PARD3B: variants seen among roughly 807,000 people sequenced by gnomAD.
PARD3B encodes the protein par-3 family cell polarity regulator beta, also known as partitioning defective 3 homolog B.
PARD3B carries 103 observed loss-of-function variants against 130.2 expected under a neutral mutation model. That is an observed-to-expected ratio of 0.79 (90% CI 0.67 to 0.93). The LOEUF is 0.93. Ranked by LOEUF, PARD3B falls within the 40% of genes least tolerant of loss-of-function variation. PARD3B has a pLI of 0.00. For synonymous variants in PARD3B, 583 were observed against 553.2 expected (o/e 1.05, Z -0.76); for missense variants, 1,609 against 1,499.2 (o/e 1.07, Z -1.21).
chr2:205,177,127 G>A (rs1187294523), intron 13 of PARD3B, among the ~76,000 whole-genome samples: 1 of 152,008 alleles, frequency 6.6e-6, no homozygotes, highest in Non-Finnish European at 1.5e-5. Flanking sequence ...GCTGACTCCA[G>A]ATGTAAAAAA....
chr2:205,109,075 G>A (rs897616296), intron 5 of PARD3B, among the ~76,000 whole-genome samples: 1 of 151,810 alleles, frequency 6.6e-6, no homozygotes, highest in African/African-American at 2.4e-5. Flanking sequence ...ATTGGTCTTT[G>A]TTTTTTCCTT....
chr2:204,765,849 G>A (rs1251792479), intron 2 of PARD3B, among the ~76,000 whole-genome samples: 1 of 152,116 alleles, frequency 6.6e-6, no homozygotes, highest in Non-Finnish European at 1.5e-5. Flanking sequence ...GGTACTTGAT[G>A]TGCTAGAGTA....
chr2:205,317,408 T>G (rs1025324907), intron 18 of PARD3B, among the ~76,000 whole-genome samples: 1 of 152,164 alleles, frequency 6.6e-6, no homozygotes, highest in African/African-American at 2.4e-5. Flanking sequence ...TTTCACAAAG[T>G]GAAATGGCAC....
intron 1 of PARD3B, among the ~76,000 whole-genome samples, chr2:204,636,047 A>ATGCTCTTTGGCT: frequency 6.6e-6 from 1 of 152,094 alleles, no homozygotes. Context: ...CTTGAGGTGA[A>ATGCTCTTTGGCT]TACTCTTTGG....
chr2:205,583,546 G>A (rs996117875), intron 22 of PARD3B, among the ~76,000 whole-genome samples: 9 of 152,144 alleles, frequency 5.9e-5, no homozygotes, highest in Non-Finnish European at 1.2e-4. Flanking sequence ...TGTGCTAGGC[G>A]CTGTTCTAAG....
intron 2 of PARD3B, among the ~76,000 whole-genome samples, chr2:204,819,159 C>T (rs1474076243): frequency 6.6e-6 from 1 of 152,158 alleles, no homozygotes; most frequent in Non-Finnish European, 1.5e-5. Flanking sequence ...CATTACTGCA[C>T]ATTGTAGATA....
chr2:204,736,502 C>A (rs1424565673), intron 2 of PARD3B, among the ~76,000 whole-genome samples: 3 of 152,112 alleles, frequency 2.0e-5, no homozygotes, highest in African/African-American at 7.2e-5. Context: ...AGCTTAACTT[C>A]CACTAGTGAG....
intron 5 of PARD3B, among the ~76,000 whole-genome samples, chr2:205,110,426 G>T (rs569465242): frequency 7.1e-4 from 108 of 152,122 alleles, no homozygotes; most frequent in African/African-American, 2.5e-3. Context: ...GGTAGCAGCT[G>T]GTTTCAGTTT....
Position 204,669,899 on chromosome 2 carries a change from A to G in PARD3B, c.121-16282A>G, listed in dbSNP as rs2036213302. ...TTATTAAAGATAAAGGTAACCACTA[A>G]AGGGAATAAAAATATTTGAATAACT... On this transcript the variant is annotated intron_variant, in intron 1 of 22. Transcript: ENST00000406610. This position sits in a 1 kb window ranked among gnomAD's most constrained non-coding sequence, Gnocchi z 4.3. 6.6e-6 allele frequency among the ~76,000 whole-genome samples: 1 copy of G among 152,164 alleles called. No individual in the cohort carries two copies. Among genetic ancestry groups the G allele is most frequent in the African/African-American group, 2.4e-5 (1 of 41,448 alleles).
intron 1 of PARD3B, among the ~76,000 whole-genome samples, chr2:204,595,177 G>T (rs1181990308): frequency 6.6e-6 from 1 of 152,204 alleles, no homozygotes. Context: ...CAGAATGTCT[G>T]CTTAAGAAGT....
intron 10 of PARD3B, among the ~76,000 whole-genome samples, chr2:205,137,722 G>A (rs375696053): frequency 1.1e-4 from 17 of 152,280 alleles, no homozygotes; most frequent in African/African-American, 2.6e-4. Flanking sequence ...TTCCTTACAC[G>A]TGTCTGTCAG....
chr2:205,608,762 A>G (rs2055115123), intron 22 of PARD3B, among the ~76,000 whole-genome samples: 1 of 152,262 alleles, frequency 6.6e-6, no homozygotes, highest in Non-Finnish European at 1.5e-5. Flanking sequence ...CAGTTTGTTA[A>G]TAACTCAATT....
intron 10 of PARD3B, among the ~76,000 whole-genome samples, chr2:205,134,772 T>C (rs2032327773): frequency 6.6e-6 from 1 of 152,210 alleles, no homozygotes; most frequent in Admixed American, 6.5e-5. Flanking sequence ...AAATAGGTGA[T>C]GATAAATGCT....
intron 20 of PARD3B, among the ~76,000 whole-genome samples, chr2:205,450,466 CTTTTTTTTTTT>C (rs869229400): frequency 5.1e-5 from 4 of 78,378 alleles, no homozygotes; most frequent in Non-Finnish European, 2.3e-5. Flanking sequence ...AGTGCAGATT[CTTTTTTTTTTT>C]TTTTTTTTTT....
At chr2:205,329,094 G>A (rs1417675140) in intron 18 of PARD3B, among the ~76,000 whole-genome samples, 4 of 152,062 alleles carry the variant, frequency 2.6e-5, no homozygotes, top group Non-Finnish European at 4.4e-5. Context: ...TCATTCATCT[G>A]ATAAATATTT....
At chr2:204,926,867 A>C (rs529596057) in intron 2 of PARD3B, among the ~76,000 whole-genome samples, 2 of 152,230 alleles carry the variant, frequency 1.3e-5, no homozygotes, top group East Asian at 3.9e-4. Context: ...TATTAGTCCT[A>C]TGTTAAAATA....
intron 2 of PARD3B, among the ~76,000 whole-genome samples, chr2:204,860,170 A>G (rs2045123926): frequency 6.6e-6 from 1 of 152,202 alleles, no homozygotes; most frequent in Non-Finnish European, 1.5e-5. Context: ...TGTTATATCA[A>G]TGACTGATTA....
chr2:204,905,957 A>AGATGTTCTT (rs1232964974), intron 2 of PARD3B, among the ~76,000 whole-genome samples: 13 of 152,304 alleles, frequency 8.5e-5, no homozygotes, highest in Admixed American at 7.8e-4. Context: ...TCTAAGACTA[A>AGATGTTCTT]GATGTTCTTG....
At chr2:205,498,048 G>T (rs1027490954) in intron 20 of PARD3B, among the ~76,000 whole-genome samples, 2 of 56,318 alleles carry the variant, frequency 3.6e-5, no homozygotes, top group Non-Finnish European at 8.1e-5. Context: ...CACACACAAA[G>T]AATTTGCTGG....
Sources: allele counts gnomAD v4.1 joint callset (sites outside exome capture counted in the v4.1 genomes callset), GRCh38; gene constraint gnomAD v4.1.1; non-coding constraint Gnocchi (gnomAD v3.1); transcripts MANE v1.5; gene names NCBI Gene and HGNC (gene_info 2026-07-23, HGNC 2026-07-21).